The following SPMIP2 variants were observed in gnomAD, a reference collection of about 807,000 sequenced individuals.
SPMIP2 encodes protein SPMIP2.
chr4:158,950,587 T>C, the SPMIP2 span, among the ~76,000 whole-genome samples: 1 of 152,078 alleles, frequency 6.6e-6, no homozygotes, highest in Admixed American at 6.5e-5. Context: ...GCAATGGAAT[T>C]GAGTCGGTCT....
the SPMIP2 span, among the ~76,000 whole-genome samples, chr4:158,991,923 A>G: frequency 1.3e-5 from 2 of 152,124 alleles, no homozygotes; most frequent in Admixed American, 1.3e-4. Context: ...TTTTAGAAAC[A>G]GGACCTTGCT....
chr4:158,976,396 C>A, the SPMIP2 span, among the ~76,000 whole-genome samples: 1 of 152,118 alleles, frequency 6.6e-6, no homozygotes, highest in Non-Finnish European at 1.5e-5. Context: ...CAGCATTTGG[C>A]CATTCATTAT....
At chr4:159,034,944 A>G in the SPMIP2 span, 1 of 928,346 alleles carries the variant, frequency 1.1e-6, no homozygotes, top group Non-Finnish European at 1.7e-6. Flanking sequence ...TGATCATTGC[A>G]TTGTTATATC....
chr4:158,956,267 T>C, the SPMIP2 span, among the ~76,000 whole-genome samples: 1 of 152,218 alleles, frequency 6.6e-6, no homozygotes, highest in African/African-American at 2.4e-5. Flanking sequence ...AGGGCCCTTT[T>C]AAAATGTCCA....
the SPMIP2 span, chr4:158,973,367 T>C: frequency 1.7e-6 from 2 of 1,173,034 alleles, no homozygotes; most frequent in Admixed American, 4.8e-5. Flanking sequence ...AAGATACTTT[T>C]GTTATTTTAA....
the SPMIP2 span, among the ~76,000 whole-genome samples, chr4:158,908,223 C>T: frequency 5.9e-5 from 9 of 152,044 alleles, no homozygotes; most frequent in African/African-American, 1.7e-4. Flanking sequence ...GGGTTACTGG[C>T]ACAGAGAGGC....
the SPMIP2 span, among the ~76,000 whole-genome samples, chr4:159,015,704 C>T: frequency 6.6e-6 from 1 of 152,056 alleles, no homozygotes; most frequent in South Asian, 2.1e-4. Flanking sequence ...TATCACTTCT[C>T]GGCCTTTTGG....
At chr4:158,919,765 T>TTTGG in the SPMIP2 span, among the ~76,000 whole-genome samples, 1 of 152,238 alleles carries the variant, frequency 6.6e-6, no homozygotes, top group Non-Finnish European at 1.5e-5. Flanking sequence ...ACCAACATTG[T>TTTGG]TCATTTTGAT....
At chr4:158,900,371 G>A in the SPMIP2 span, among the ~76,000 whole-genome samples, 2 of 152,202 alleles carry the variant, frequency 1.3e-5, no homozygotes, top group Non-Finnish European at 2.9e-5. Context: ...TTGGTCCAGA[G>A]CTGAGTTCAA....
chr4:158,990,182 A>G, the SPMIP2 span, among the ~76,000 whole-genome samples: 2 of 152,246 alleles, frequency 1.3e-5, no homozygotes, highest in Admixed American at 6.5e-5. Flanking sequence ...ATTAGATTCC[A>G]TCTCACACCA....
At chr4:158,939,425 ATCTTTTGATATGAC>A in the SPMIP2 span, among the ~76,000 whole-genome samples, 1 of 152,140 alleles carries the variant, frequency 6.6e-6, no homozygotes, top group South Asian at 2.1e-4. Flanking sequence ...ACCCCATAAT[ATCTTTTGATATGAC>A]TCTCGAAAAT....
chr4:159,032,022 G>C, the SPMIP2 span, among the ~76,000 whole-genome samples: 1 of 152,162 alleles, frequency 6.6e-6, no homozygotes, highest in African/African-American at 2.4e-5. Flanking sequence ...AGGAGTTTGA[G>C]ACCAGCCTGG....
chr4:158,915,836 C>A, the SPMIP2 span, among the ~76,000 whole-genome samples: 1 of 152,184 alleles, frequency 6.6e-6, no homozygotes. Flanking sequence ...CTGGTGAGAT[C>A]CTTGGCTAAG....
chr4:159,077,056 G>A, the SPMIP2 span, among the ~76,000 whole-genome samples: 10 of 151,942 alleles, frequency 6.6e-5, no homozygotes, highest in African/African-American at 2.4e-4. Flanking sequence ...GGATGGTTTC[G>A]AACTCCTGAC....
At chr4:159,077,990 T>C in the SPMIP2 span, among the ~76,000 whole-genome samples, 23 of 152,102 alleles carry the variant, frequency 1.5e-4, no homozygotes, top group Middle Eastern at 6.8e-3. Flanking sequence ...TATATATAAA[T>C]AACATAGAAA....
the SPMIP2 span, among the ~76,000 whole-genome samples, chr4:159,029,811 CA>C: frequency 2.0e-5 from 3 of 152,138 alleles, no homozygotes; most frequent in African/African-American, 4.8e-5. Context: ...GAAAAGAGAA[CA>C]TTTTTTTCAT....
chr4:159,050,462 C>T, the SPMIP2 span, among the ~76,000 whole-genome samples: 1 of 152,060 alleles, frequency 6.6e-6, no homozygotes, highest in Non-Finnish European at 1.5e-5. Flanking sequence ...AGCCCAGACT[C>T]AGAGAGCCTT....
At chr4:158,987,763 A>G in the SPMIP2 span, among the ~76,000 whole-genome samples, 1 of 152,102 alleles carries the variant, frequency 6.6e-6, no homozygotes, top group African/African-American at 2.4e-5. Flanking sequence ...CATGTACCCT[A>G]AAACTTAAAG....
the SPMIP2 span, among the ~76,000 whole-genome samples, chr4:158,939,559 G>T: frequency 6.6e-6 from 1 of 152,202 alleles, no homozygotes; most frequent in Non-Finnish European, 1.5e-5. Context: ...TTAACAGTTT[G>T]TCTGTTAGGA....
Sources: allele counts gnomAD v4.1 joint callset (sites outside exome capture counted in the v4.1 genomes callset), GRCh38; gene constraint gnomAD v4.1.1; transcripts MANE v1.5; gene names NCBI Gene and HGNC (gene_info 2026-07-23, HGNC 2026-07-21).